CCDC194: variants seen among roughly 807,000 people sequenced by gnomAD.
The protein encoded by CCDC194 is coiled-coil domain containing 194, also known as coiled-coil domain-containing protein 194.
In CCDC194, 8 loss-of-function variants were observed where a neutral mutation model predicts 4.9. That is an observed-to-expected ratio of 1.65 (90% CI 0.97 to 2.97). The LOEUF (loss-of-function observed/expected upper bound fraction) is 2.97. CCDC194 is among the 30% of genes most tolerant of loss of function. CCDC194 has a pLI of 0.00. For missense variants in CCDC194, 52 were observed against 43.1 expected (o/e 1.21, Z -0.58); for synonymous variants, 13 against 17.0 (o/e 0.76, Z 0.58).
chr19:17,387,782 T>G (rs2074640995), downstream of CCDC194, among the ~76,000 whole-genome samples: 1 of 152,180 alleles, frequency 6.6e-6, no homozygotes, highest in Non-Finnish European at 1.5e-5. Flanking sequence ...GCTTTTCACA[T>G]TAACATATCT....
chr19:17,392,771 C>T (rs1202479319), intron 1 of CCDC194, among the ~76,000 whole-genome samples: 3 of 152,070 alleles, frequency 2.0e-5, no homozygotes, highest in Admixed American at 6.5e-5. Flanking sequence ...GTCGCCCAGG[C>T]GGGAGTGCAG....
At chr19:17,389,746 C>T (rs2074647399), downstream of CCDC194, among the ~76,000 whole-genome samples, 1 of 152,136 alleles carries the variant, frequency 6.6e-6, no homozygotes, top group Non-Finnish European at 1.5e-5. Flanking sequence ...GGGCGGATCA[C>T]CTAAGCTCAG....
At chr19:17,388,345 G>C (rs1372925922), downstream of CCDC194, among the ~76,000 whole-genome samples, 5 of 151,948 alleles carry the variant, frequency 3.3e-5, no homozygotes, top group East Asian at 9.6e-4. Context: ...GACCACAGGT[G>C]CATGCCACCA....
At chr19:17,391,636 G>A in intron 2 of CCDC194, 114 bp downstream of exon 2, 1 of 1,531,046 alleles carries the variant, frequency 6.5e-7, no homozygotes, top group Non-Finnish European at 8.7e-7. Context: ...AAGTTTTTGC[G>A]TTTATATCCG....
chr19:17,393,809 G>A (rs180688921), intron 1 of CCDC194, 26 bp downstream of exon 1: 4 of 395,626 alleles, frequency 1.0e-5, no homozygotes, highest in African/African-American at 6.2e-5. Flanking sequence ...GGATTCCCGA[G>A]CTCCCCCTCT....
At chr19:17,391,251 C>T (rs749727050) in exon 3 of CCDC194, 1 of 406,348 alleles carries the variant, frequency 2.5e-6, no homozygotes, top group East Asian at 3.6e-5. Context: ...GCACAGGCTT[C>T]GCCCTCGGCC....
chr19:17,390,068 T>G (rs2074648349), downstream of CCDC194, among the ~76,000 whole-genome samples: 1 of 152,234 alleles, frequency 6.6e-6, no homozygotes, highest in South Asian at 2.1e-4. This position sits in a 1 kb window ranked among gnomAD's most constrained non-coding sequence, Gnocchi z 5.5. Context: ...GGTTTTCCTA[T>G]TGTGCCACCT....
exon 3 of CCDC194, chr19:17,391,227 C>T: frequency 5.0e-6 from 2 of 400,792 alleles, no homozygotes; most frequent in Non-Finnish European, 8.8e-6. Context: ...TCGCGCAGCG[C>T]CGCCTCCCGG....
chr19:17,394,195 A>AT (rs1398108361), upstream of CCDC194: 9 of 388,636 alleles, frequency 2.3e-5, no homozygotes, highest in Non-Finnish European at 3.2e-5. Context: ...ACGGCCACGA[A>AT]TATTTAATTG....
At chr19:17,389,514 G>C (rs1452719978), downstream of CCDC194, among the ~76,000 whole-genome samples, 5 of 152,112 alleles carry the variant, frequency 3.3e-5, no homozygotes, top group East Asian at 9.6e-4. Context: ...AAAACTACTT[G>C]ACAGTGGACG....
chr19:17,391,490 C>T, intron 2 of CCDC194, 147 bp from the exon 3 acceptor site: 1 of 717,282 alleles, frequency 1.4e-6, no homozygotes, highest in Admixed American at 2.9e-5. Context: ...ATGGCTTCCA[C>T]GTGCCATTTG....
exon 1 of CCDC194, chr19:17,394,030 A>G: frequency 2.6e-6 from 1 of 389,592 alleles, no homozygotes; most frequent in Non-Finnish European, 4.5e-6. Flanking sequence ...GAGGTCCCCG[A>G]GCAGCCGAGG....
At chr19:17,394,129 A>T (rs1449670046) in exon 1 of CCDC194, 8 of 392,740 alleles carry the variant, frequency 2.0e-5, no homozygotes, top group Non-Finnish European at 3.6e-5. Flanking sequence ...CCCGCCAGGC[A>T]CGCCCGGGCT....
At chr19:17,392,603 A>G (rs1045592676) in intron 1 of CCDC194, among the ~76,000 whole-genome samples, 4 of 152,226 alleles carry the variant, frequency 2.6e-5, no homozygotes, top group Non-Finnish European at 2.9e-5. Context: ...CGGCTTCCTC[A>G]GTGCGTCTTA....
chr19:17,391,565 G>T, intron 2 of CCDC194, 185 bp downstream of exon 2: 1 of 1,398,452 alleles, frequency 7.2e-7, no homozygotes, highest in Non-Finnish European at 9.5e-7. Context: ...ATGTTTTGTG[G>T]CATTTGCCTT....
intron 2 of CCDC194, 39 bp from the exon 3 acceptor site, chr19:17,391,382 G>A: frequency 2.5e-6 from 1 of 404,724 alleles, no homozygotes; most frequent in Non-Finnish European, 4.4e-6. Context: ...GGAGACTCCC[G>A]CGCCCACCCG....
intron 2 of CCDC194, 159 bp downstream of exon 2, chr19:17,391,591 G>A: frequency 2.0e-6 from 3 of 1,485,424 alleles, no homozygotes; most frequent in Non-Finnish European, 2.7e-6. Context: ...TGTGACATTT[G>A]CATGGCCTCT....
At chr19:17,392,182 A>G (rs1429748981) in intron 1 of CCDC194, 2 of 201,180 alleles carry the variant, frequency 9.9e-6, no homozygotes, top group Non-Finnish European at 2.0e-5. Context: ...ATTTCAAACC[A>G]ACAAAGTTAG....
chr19:17,391,657 A>T (rs1265304319), intron 2 of CCDC194, 93 bp downstream of exon 2: 1 of 1,534,264 alleles, frequency 6.5e-7, no homozygotes, highest in Non-Finnish European at 8.7e-7. Context: ...TGTTATTTGC[A>T]TTACGTTTGC....
Sources: allele counts gnomAD v4.1 joint callset (sites outside exome capture counted in the v4.1 genomes callset), GRCh38; gene constraint gnomAD v4.1.1; non-coding constraint Gnocchi (gnomAD v3.1); transcripts MANE v1.5; gene names NCBI Gene and HGNC (gene_info 2026-07-23, HGNC 2026-07-21).